CPED1: variants seen among roughly 807,000 people sequenced by gnomAD.
CPED1 encodes the protein cadherin-like and PC-esterase domain-containing protein 1.
A neutral mutation model predicts 128.2 loss-of-function variants in CPED1; 114 were observed. The ratio of observed to expected loss-of-function variants is 0.89; its 90% CI spans 0.76 to 1.04. The LOEUF (loss-of-function observed/expected upper bound fraction) is 1.04, where lower values mean the gene tolerates loss of function less well. Among genes scored for constraint, CPED1 ranks in the 50% least tolerant of loss-of-function variants. The pLI is 0.00. For missense variants in CPED1, 1,211 were observed against 1,207.1 expected (o/e 1.00, Z -0.05); for synonymous variants, 462 against 426.7 (o/e 1.08, Z -1.02).
intron 16 of CPED1, among the ~76,000 whole-genome samples, chr7:121,159,213 T>C (rs1347958875): frequency 1.3e-5 from 2 of 152,156 alleles, no homozygotes; most frequent in African/African-American, 4.8e-5. Context: ...TCACTTTTTA[T>C]TGGGTATGTA....
intron 17 of CPED1, among the ~76,000 whole-genome samples, chr7:121,237,689 C>G (rs1798290901): frequency 6.6e-6 from 1 of 152,084 alleles, no homozygotes; most frequent in African/African-American, 2.4e-5. Context: ...CCTCCTGACC[C>G]CAAGTCTCCC....
At chr7:121,210,783 A>G (rs1398484220) in intron 16 of CPED1, among the ~76,000 whole-genome samples, 1 of 151,998 alleles carries the variant, frequency 6.6e-6, no homozygotes, top group Non-Finnish European at 1.5e-5. Context: ...TCTATTATAC[A>G]TTTGAAAATA....
At chr7:121,032,709 A>T (rs1263885775) in intron 3 of CPED1, among the ~76,000 whole-genome samples, 1 of 152,094 alleles carries the variant, frequency 6.6e-6, no homozygotes, top group Non-Finnish European at 1.5e-5. Flanking sequence ...CAGAACTTGA[A>T]GTAAAAGAGA....
At chr7:121,286,154 A>G (rs902335521) in intron 22 of CPED1, among the ~76,000 whole-genome samples, 5 of 152,170 alleles carry the variant, frequency 3.3e-5, no homozygotes, top group Non-Finnish European at 7.4e-5. Context: ...TCACAAAACC[A>G]TCATATCTCC....
At chr7:121,100,161 G>A in intron 7 of CPED1, 67 bp downstream of exon 7, 1 of 1,394,906 alleles carries the variant, frequency 7.2e-7, no homozygotes, top group Non-Finnish European at 1.0e-6. Flanking sequence ...GAGTTGGGCT[G>A]CCATTTTCCC....
chr7:121,253,110 C>T (rs1448424577), intron 18 of CPED1, among the ~76,000 whole-genome samples: 2 of 151,968 alleles, frequency 1.3e-5, no homozygotes, highest in African/African-American at 4.8e-5. Context: ...GGCACATATA[C>T]ACCATGGAAT....
intron 16 of CPED1, among the ~76,000 whole-genome samples, chr7:121,168,403 T>C (rs763021586): frequency 6.6e-6 from 1 of 152,222 alleles, no homozygotes; most frequent in Non-Finnish European, 1.5e-5. Flanking sequence ...TTTTAACATA[T>C]AATTTTATTT....
chr7:121,176,193 GAAAAAAA>G (rs34712656), intron 16 of CPED1, among the ~76,000 whole-genome samples: 1 of 62,046 alleles, frequency 1.6e-5, no homozygotes, highest in African/African-American at 8.2e-5. Flanking sequence ...CTCCCCGCTG[GAAAAAAA>G]AAAAAAAAAA....
At chr7:121,012,964 T>C (rs1016984034) in intron 2 of CPED1, among the ~76,000 whole-genome samples, 3 of 152,184 alleles carry the variant, frequency 2.0e-5, no homozygotes, top group Non-Finnish European at 4.4e-5. Flanking sequence ...TACTCAAAGT[T>C]TTAAAATATC....
chr7:121,062,038 G>A (rs1793684943), intron 4 of CPED1, among the ~76,000 whole-genome samples: 1 of 152,200 alleles, frequency 6.6e-6, no homozygotes, highest in African/African-American at 2.4e-5. Flanking sequence ...TTGGAGGAAG[G>A]AACACAGGGA....
chr7:121,193,331 A>G (rs1797190165), intron 16 of CPED1, among the ~76,000 whole-genome samples: 1 of 152,176 alleles, frequency 6.6e-6, no homozygotes, highest in South Asian at 2.1e-4. Flanking sequence ...TATTAAAGAT[A>G]CCAAGCTAAA....
chr7:121,016,930 A>G (rs1387914598), intron 3 of CPED1, among the ~76,000 whole-genome samples: 2 of 152,150 alleles, frequency 1.3e-5, no homozygotes, highest in Non-Finnish European at 2.9e-5. Context: ...TTTCAGAATG[A>G]TCTTGCCATC....
At chr7:121,043,090 G>C (rs1361626628) in intron 3 of CPED1, among the ~76,000 whole-genome samples, 1 of 149,498 alleles carries the variant, frequency 6.7e-6, no homozygotes, top group Non-Finnish European at 1.5e-5. Flanking sequence ...TGCTTAGAAA[G>C]AGCCTGTCCT....
chr7:121,118,997 A>G (rs990603010), intron 7 of CPED1, among the ~76,000 whole-genome samples: 6 of 152,180 alleles, frequency 3.9e-5, no homozygotes, highest in Non-Finnish European at 5.9e-5. Flanking sequence ...TGGTGGGGAC[A>G]TATATTCAGA....
At position 121,099,933 on chromosome 7, in the gene CPED1, A is replaced by G; in HGVS notation, c.757A>G (p.Thr253Ala). 1 of 1,608,668 alleles carries G rather than the reference A, an allele frequency of 6.2e-7. No individual in the cohort carries two copies. The highest frequency in any genetic ancestry group is 1.7e-5 in the Admixed American group (1 of 58,750). The change falls in exon 7 of 23, where the codon ACG becomes GCG. Residue 253 changes from threonine to alanine, a missense_variant. Physicochemically the swap from Thr to Ala is moderately conservative, Grantham distance 58. Transcript: ENST00000310396. The stretch of plus-strand genomic sequence containing the variant: ...GTTTTTTTTTTTTTTTAGGAATGAA[A>G]CGACAGTCCTTGCTCCACATGAAAC... ...GDWSREQLNETTVLAPHETIF... is the reference protein window; with the variant it reads ...GDWSREQLNEATVLAPHETIF...
chr7:121,130,725 T>C (rs1286028412), intron 12 of CPED1, among the ~76,000 whole-genome samples: 1 of 152,056 alleles, frequency 6.6e-6, no homozygotes, highest in Non-Finnish European at 1.5e-5. Context: ...CAAAACCCAT[T>C]GAATGTATAT....
intron 16 of CPED1, among the ~76,000 whole-genome samples, chr7:121,183,166 A>G (rs956694602): frequency 6.6e-6 from 1 of 152,180 alleles, no homozygotes. Context: ...CCTAGAAATC[A>G]TTGGGCTTAT....
At position 121,194,044 on chromosome 7, in the gene CPED1, A is replaced by AT. The variant is rs1198290127; in HGVS notation, c.2056-42669dup. On this transcript the variant is annotated intron_variant, in intron 16 of 22. Coordinates refer to ENST00000310396, the MANE Select transcript of CPED1 (RefSeq NM_024913.5). ...TCTCTATATATATATATATATATAT[A>AT]TATATTTTTTTTTTTTTTTTTTGAG... Among the ~76,000 whole-genome samples, 271 of 66,354 alleles carry AT rather than the reference A, an allele frequency of 4.1e-3. 1 individual carries two copies. Among genetic ancestry groups the AT allele is most frequent in the Non-Finnish European group, 5.1e-3 (170 of 33,620 alleles). The allele number at this position is 66,354 out of a possible 152,430, so 43.5% of individuals were successfully genotyped here.
intron 5 of CPED1, among the ~76,000 whole-genome samples, chr7:121,067,437 A>G (rs1793865754): frequency 1.3e-5 from 2 of 152,172 alleles, no homozygotes; most frequent in South Asian, 4.1e-4. Context: ...TACAAAGGAC[A>G]TGAATTCATC....
Sources: gnomAD v4.1 joint callset for allele counts (sites outside exome capture counted in the v4.1 genomes callset) on GRCh38, gnomAD v4.1.1 for gene constraint, MANE v1.5 for transcripts, NCBI Gene and HGNC (gene_info 2026-07-23, HGNC 2026-07-21) for gene names.